Variants in TLK1 observed in about 807,000 individuals in gnomAD.
The protein encoded by TLK1 is tousled like kinase 1, also known as serine/threonine-protein kinase tousled-like 1.
A neutral mutation model predicts 105.3 loss-of-function variants in TLK1; 24 were observed. The observed-to-expected ratio is 0.23, with a 90% confidence interval of 0.17 to 0.32. The LOEUF (loss-of-function observed/expected upper bound fraction) is 0.32, where lower values mean the gene tolerates loss of function less well. TLK1 is among the 10% of genes least tolerant of loss of function. The pLI is 1.00. For synonymous variants in TLK1, 321 were observed against 310.4 expected (o/e 1.03, Z -0.36); for missense variants, 558 against 910.5 (o/e 0.61, Z 4.98).
At chr2:171,129,297 T>C (rs1223327949) in intron 1 of TLK1, among the ~76,000 whole-genome samples, 1 of 152,134 alleles carries the variant, frequency 6.6e-6, no homozygotes. Flanking sequence ...TCCTGAGAGG[T>C]AACCAATTGT....
At chr2:171,149,639 C>T (rs1275312458) in intron 1 of TLK1, among the ~76,000 whole-genome samples, 1 of 152,164 alleles carries the variant, frequency 6.6e-6, no homozygotes, top group Non-Finnish European at 1.5e-5. Flanking sequence ...GGCACAATGG[C>T]TCAAGCCTGT....
chr2:171,158,011 G>A (rs1249197334), intron 1 of TLK1, among the ~76,000 whole-genome samples: 1 of 152,086 alleles, frequency 6.6e-6, no homozygotes. Flanking sequence ...TTTATATAAT[G>A]TACTAACATG....
intron 1 of TLK1, among the ~76,000 whole-genome samples, chr2:171,185,347 G>A (rs1693007273): frequency 6.6e-6 from 1 of 152,040 alleles, no homozygotes; most frequent in Admixed American, 6.6e-5. Flanking sequence ...AGTATCATCA[G>A]ATTTCTACCC....
rs771080044 is a variant in TLK1 at position 171,021,645 on chromosome 2, C to G, written c.1236+6694G>C. Among the ~76,000 whole-genome samples the G allele has an allele frequency of 4.5e-4, 69 of 152,226 alleles. 1 individual carries two copies. Among genetic ancestry groups the G allele is most frequent in the Non-Finnish European group, 6.2e-4 (42 of 68,018 alleles). On this transcript the variant is annotated intron_variant, in intron 12 of 20. Coordinates refer to ENST00000431350, the MANE Select transcript of TLK1 (RefSeq NM_012290.5). ...GATTTACAGTTATGATTGGGAAGGG[C>G]TGGTAGCCAAGCAACTGTTTTCTCT...
intron 3 of TLK1, among the ~76,000 whole-genome samples, chr2:171,061,387 A>G (rs916310495): frequency 6.6e-6 from 1 of 152,262 alleles, no homozygotes; most frequent in African/African-American, 2.4e-5. Flanking sequence ...ATATTCAGTT[A>G]CAGAATTTGA....
At chr2:171,035,283 G>A (rs1465698964) in intron 11 of TLK1, among the ~76,000 whole-genome samples, 7 of 151,968 alleles carry the variant, frequency 4.6e-5, no homozygotes, top group East Asian at 1.9e-4. Flanking sequence ...CGGAGGTTGC[G>A]GTGAGCCGAG....
chr2:171,034,274 C>T (rs1686207689), intron 11 of TLK1, among the ~76,000 whole-genome samples: 1 of 152,118 alleles, frequency 6.6e-6, no homozygotes, highest in African/African-American at 2.4e-5. Flanking sequence ...ACAAAACAAG[C>T]TCACACAGAA....
intron 1 of TLK1, among the ~76,000 whole-genome samples, chr2:171,216,215 G>A (rs898359606): frequency 2.0e-5 from 3 of 152,290 alleles, no homozygotes; most frequent in South Asian, 2.1e-4. Context: ...AGTGGCTCAC[G>A]CCTGTAATCC....
intron 3 of TLK1, chr2:171,066,877 C>G: frequency 6.4e-7 from 1 of 1,552,356 alleles, no homozygotes; most frequent in East Asian, 2.4e-5. Context: ...AAGAATAAAA[C>G]AGCCATTTAG....
intron 1 of TLK1, among the ~76,000 whole-genome samples, chr2:171,149,099 CTTTTTTT>C (rs11335300): frequency 0.036 from 2,099 of 57,950 alleles, 26 homozygotes; most frequent in Middle Eastern, 0.13. Flanking sequence ...AATTACTTTT[CTTTTTTT>C]TTTTTTTTTT....
chr2:171,000,860 C>T (rs1684331907), intron 18 of TLK1, among the ~76,000 whole-genome samples: 1 of 152,190 alleles, frequency 6.6e-6, no homozygotes, highest in Admixed American at 6.5e-5. Flanking sequence ...CTAATGTCAA[C>T]CTGTTTTCTG....
At chr2:171,113,264 T>A (rs533887819) in intron 2 of TLK1, among the ~76,000 whole-genome samples, 28 of 151,488 alleles carry the variant, frequency 1.8e-4, no homozygotes, top group African/African-American at 5.6e-4. Context: ...GGCAACCACA[T>A]ACATATCCTT....
chr2:171,209,299 ATTG>A (rs1693565524), intron 1 of TLK1, among the ~76,000 whole-genome samples: 1 of 152,186 alleles, frequency 6.6e-6, no homozygotes, highest in African/African-American at 2.4e-5. Flanking sequence ...ATCTTTTTAT[ATTG>A]TTTTGATTTT....
intron 5 of TLK1, among the ~76,000 whole-genome samples, chr2:171,057,475 G>A (rs1687557004): frequency 6.6e-6 from 1 of 152,010 alleles, no homozygotes; most frequent in Non-Finnish European, 1.5e-5. Flanking sequence ...AATGATATCA[G>A]TAAGTGACTG....
chr2:171,211,748 C>A lies in TLK1; in HGVS notation c.-6+19397G>T, dbSNP rs1193848916. On this transcript the variant is annotated intron_variant, in intron 1 of 20. Transcript: ENST00000521943. ...TATTTTTAGTAGAGATGGAGTTTCA[C>A]CATGTTGGTCAGACTGGTCTCGAAC... Among the ~76,000 whole-genome samples, 6 of 152,080 alleles carry A rather than the reference C, an allele frequency of 3.9e-5. No homozygotes were observed. In the East Asian group the frequency reaches 9.7e-4, roughly 25 times the overall value.
At position 171,050,190 on chromosome 2, in the gene TLK1, A is replaced by G. The variant is rs201469114; in HGVS notation, c.733-16T>C. On this transcript the variant is annotated splice_polypyrimidine_tract_variant and intron_variant, in intron 8 of 20. Transcript: ENST00000431350. Reference sequence around the variant, plus strand: ...CACAGTTAGCCTATGACATAAGTAGAAAATGCAAGAGGTCTAGACTGGGGA... The same window carrying G: ...CACAGTTAGCCTATGACATAAGTAGGAAATGCAAGAGGTCTAGACTGGGGA... 529 of 1,568,634 alleles carry G rather than the reference A, an allele frequency of 3.4e-4. 5 individuals carry two copies. The African/African-American group carries it at 6.8e-3, about 20-fold the overall frequency.
At chr2:171,048,277 T>C (rs1429973227) in intron 10 of TLK1, among the ~76,000 whole-genome samples, 5 of 152,200 alleles carry the variant, frequency 3.3e-5, no homozygotes, top group Non-Finnish European at 5.9e-5. Context: ...AGAGGAGAAA[T>C]TGGAACTACT....
At chr2:171,004,399 A>G (rs551826299) in intron 18 of TLK1, among the ~76,000 whole-genome samples, 9 of 152,270 alleles carry the variant, frequency 5.9e-5, no homozygotes, top group African/African-American at 2.2e-4. Flanking sequence ...TTTCAAACCT[A>G]TATTATTCAA....
At chr2:171,065,542 T>C (rs1243430669) in intron 3 of TLK1, among the ~76,000 whole-genome samples, 1 of 956 alleles carries the variant, frequency 1.0e-3, no homozygotes, top group Non-Finnish European at 0.25. Context: ...CTATTCTTTC[T>C]TTTTTTTTTT....
Sources: allele counts gnomAD v4.1 joint callset (sites outside exome capture counted in the v4.1 genomes callset), GRCh38; gene constraint gnomAD v4.1.1; transcripts MANE v1.5; gene names NCBI Gene and HGNC (gene_info 2026-07-23, HGNC 2026-07-21).